HHIPL1: variants seen among roughly 807,000 people sequenced by gnomAD.
HHIPL1 encodes HHIP like 1, also known as HHIP-like protein 1.
HHIPL1 carries 43 observed loss-of-function variants against 61.8 expected under a neutral mutation model. The ratio of observed to expected loss-of-function variants is 0.70; its 90% CI spans 0.55 to 0.90. The LOEUF is 0.90. Among genes scored for constraint, HHIPL1 ranks in the 40% least tolerant of loss-of-function variants. The pLI, the probability that HHIPL1 is intolerant of heterozygous loss-of-function variation, is 0.00. For missense variants in HHIPL1, 1,056 were observed against 1,157.7 expected, an observed-to-expected ratio of 0.91 and a Z score of 1.28; for synonymous variants, 482 against 515.8, an observed-to-expected ratio of 0.93 and a Z score of 0.89.
intron 1 of HHIPL1, among the ~76,000 whole-genome samples, chr14:99,651,092 T>C (rs1256561391): frequency 3.3e-5 from 5 of 152,010 alleles, no homozygotes; most frequent in Admixed American, 2.0e-4. Flanking sequence ...CTACAAAAAA[T>C]ACAAAAATTA....
the HHIPL1 span, among the ~76,000 whole-genome samples, chr14:99,609,824 G>A: frequency 6.6e-6 from 1 of 152,322 alleles, no homozygotes; most frequent in South Asian, 2.1e-4. Flanking sequence ...AAGCCCAAAG[G>A]GCCTCACATG....
At chr14:99,631,443 A>G in the HHIPL1 span, among the ~76,000 whole-genome samples, 1 of 151,916 alleles carries the variant, frequency 6.6e-6, no homozygotes, top group Non-Finnish European at 1.5e-5. Context: ...CTTGGGGGAG[A>G]CACAGTTCAG....
At chr14:99,605,976 G>A in the HHIPL1 span, among the ~76,000 whole-genome samples, 1 of 151,506 alleles carries the variant, frequency 6.6e-6, no homozygotes, top group African/African-American at 2.4e-5. Context: ...TGGGGAGGCA[G>A]TGGGGTTTTA....
At chr14:99,627,983 G>A in the HHIPL1 span, among the ~76,000 whole-genome samples, 3 of 152,104 alleles carry the variant, frequency 2.0e-5, no homozygotes, top group African/African-American at 7.3e-5. This position sits in a 1 kb window ranked among gnomAD's most constrained non-coding sequence, Gnocchi z 4.4. Context: ...GGGAGGGGCG[G>A]CTGTTAGGCA....
the HHIPL1 span, among the ~76,000 whole-genome samples, chr14:99,618,425 A>G: frequency 6.6e-6 from 1 of 152,200 alleles, no homozygotes; most frequent in African/African-American, 2.4e-5. Context: ...TCGCCCAAGG[A>G]GTGAAATGTC....
intron 3 of HHIPL1, among the ~76,000 whole-genome samples, chr14:99,658,953 G>C (rs2056094778): frequency 1.3e-5 from 2 of 152,180 alleles, no homozygotes; most frequent in South Asian, 4.1e-4. Flanking sequence ...AATGGTCTGA[G>C]CGGGACCACT....
At chr14:99,616,338 C>G in the HHIPL1 span, among the ~76,000 whole-genome samples, 20 of 152,220 alleles carry the variant, frequency 1.3e-4, no homozygotes, top group African/African-American at 4.8e-4. Flanking sequence ...TTTCCCAGAT[C>G]ATATCCTCGT....
At chr14:99,653,802 T>C (rs2055980527) in intron 2 of HHIPL1, among the ~76,000 whole-genome samples, 1 of 152,230 alleles carries the variant, frequency 6.6e-6, no homozygotes, top group Non-Finnish European at 1.5e-5. Flanking sequence ...GTGGGGCACA[T>C]GTATCAGTCT....
rs1358492374 is a variant in HHIPL1, at chr14:99,678,118, T to C, written c.*2492T>C. The C allele has an allele frequency of 1.3e-5, 2 of 152,248 alleles. No individual in the cohort carries two copies. Among genetic ancestry groups the C allele is most frequent in the Non-Finnish European group, 2.9e-5 (2 of 68,066 alleles). The allele number at this position is 152,248 out of a possible 1,614,324, so 9.4% of individuals were successfully genotyped here. A position where few individuals can be genotyped will look rare whatever the true frequency, so the allele number is the denominator to read the frequency against. ...GATCCCTCGCATGCACAGTTCATAG[T>C]AGGTTTCATGTTCCTATGCGGATCT... On this transcript the variant is annotated 3_prime_UTR_variant, in exon 9 of 9. Transcript: ENST00000330710.
chr14:99,615,952 C>A, the HHIPL1 span, among the ~76,000 whole-genome samples: 1 of 152,142 alleles, frequency 6.6e-6, no homozygotes, highest in Non-Finnish European at 1.5e-5. Context: ...CAAGTCAAAA[C>A]AAGGAGGCAA....
chr14:99,609,514 C>T, the HHIPL1 span, among the ~76,000 whole-genome samples: 1 of 152,222 alleles, frequency 6.6e-6, no homozygotes, highest in African/African-American at 2.4e-5. Context: ...CCTGGGCTGC[C>T]ACCTTCTTCC....
At chr14:99,666,589 G>A (rs2140087399) in intron 6 of HHIPL1, among the ~76,000 whole-genome samples, 1 of 152,362 alleles carries the variant, frequency 6.6e-6, no homozygotes, top group East Asian at 1.9e-4. Flanking sequence ...CGGTTGGCCA[G>A]ATGAACCAGG....
the HHIPL1 span, among the ~76,000 whole-genome samples, chr14:99,633,363 GGA>G: frequency 6.6e-6 from 1 of 152,234 alleles, no homozygotes; most frequent in Non-Finnish European, 1.5e-5. Flanking sequence ...GGGACACCCA[GGA>G]GAGAGTCTGT....
At chr14:99,654,567 G>C (rs544436638) in intron 2 of HHIPL1, among the ~76,000 whole-genome samples, 1 of 152,362 alleles carries the variant, frequency 6.6e-6, no homozygotes, top group South Asian at 2.1e-4. Context: ...CTGCAGTAGA[G>C]AGGAGGTAGG....
At chr14:99,667,499 G>A (rs190214868) in intron 6 of HHIPL1, among the ~76,000 whole-genome samples, 327 of 152,206 alleles carry the variant, frequency 2.1e-3, no homozygotes, top group African/African-American at 7.3e-3. Flanking sequence ...CATTTTCAGC[G>A]CAGCTCTGAG....
the HHIPL1 span, among the ~76,000 whole-genome samples, chr14:99,614,747 T>C: frequency 6.6e-6 from 1 of 152,190 alleles, no homozygotes; most frequent in South Asian, 2.1e-4. Flanking sequence ...AATCCTCAAA[T>C]GTGCTACTTC....
intron 7 of HHIPL1, among the ~76,000 whole-genome samples, chr14:99,670,824 C>T (rs987829730): frequency 1.3e-5 from 2 of 152,174 alleles, no homozygotes; most frequent in Non-Finnish European, 2.9e-5. Context: ...TCTGCTGAGT[C>T]ACTATAACCC....
At chr14:99,631,643 A>C in the HHIPL1 span, among the ~76,000 whole-genome samples, 22 of 152,164 alleles carry the variant, frequency 1.4e-4, no homozygotes, top group African/African-American at 4.8e-4. Context: ...CTTGAGATGG[A>C]GTCTCGCTCT....
the HHIPL1 span, among the ~76,000 whole-genome samples, chr14:99,619,824 C>G: frequency 3.6e-3 from 553 of 152,088 alleles, 3 homozygotes; most frequent in African/African-American, 0.013. Context: ...TACAGAACTC[C>G]TATGGGGACG....
Sources: gnomAD v4.1 joint callset for allele counts (sites outside exome capture counted in the v4.1 genomes callset) on GRCh38, gnomAD v4.1.1 for gene constraint, Gnocchi (gnomAD v3.1) non-coding constraint, MANE v1.5 for transcripts, NCBI Gene and HGNC (gene_info 2026-07-23, HGNC 2026-07-21) for gene names.